ANXA13: variants seen among roughly 807,000 people sequenced by gnomAD.
ANXA13 encodes annexin A13.
ANXA13 carries 36 observed loss-of-function variants against 46.6 expected under a neutral mutation model. The observed-to-expected ratio is 0.77, with a 90% confidence interval of 0.59 to 1.02. ANXA13 has a LOEUF of 1.02. Among genes scored for constraint, ANXA13 ranks in the 50% least tolerant of loss-of-function variants. The pLI, the probability that ANXA13 is intolerant of heterozygous loss-of-function variation, is 0.00. For missense variants in ANXA13, 417 were observed against 396.5 expected (o/e 1.05, Z -0.44); for synonymous variants, 163 against 152.9 (o/e 1.07, Z -0.49).
chr8:123,704,465 A>G (rs1269276430), intron 2 of ANXA13, among the ~76,000 whole-genome samples: 1 of 146,408 alleles, frequency 6.8e-6, no homozygotes, highest in East Asian at 1.9e-4. Context: ...GCGCAGTGGC[A>G]TGATCACTGC....
intron 1 of ANXA13, among the ~76,000 whole-genome samples, chr8:123,714,256 G>A (rs918038079): frequency 3.9e-5 from 6 of 152,168 alleles, no homozygotes; most frequent in African/African-American, 1.4e-4. Context: ...CACCAATGTA[G>A]GCACGTGTCC....
At chr8:123,704,412 T>A (rs1425505736) in intron 2 of ANXA13, among the ~76,000 whole-genome samples, 4 of 152,008 alleles carry the variant, frequency 2.6e-5, no homozygotes, top group Admixed American at 2.0e-4. Flanking sequence ...GGGAATTATT[T>A]TTTTTTTTTG....
chr8:123,731,032 G>A (rs914053568), intron 1 of ANXA13, among the ~76,000 whole-genome samples: 2 of 152,222 alleles, frequency 1.3e-5, no homozygotes, highest in Non-Finnish European at 2.9e-5. Context: ...CCCAGCCTGG[G>A]CATGGGAAAG....
At chr8:123,683,590 T>C (rs1350392420) in intron 10 of ANXA13, among the ~76,000 whole-genome samples, 1 of 147,908 alleles carries the variant, frequency 6.8e-6, no homozygotes, top group African/African-American at 2.5e-5. Flanking sequence ...TGACCTTTTT[T>C]TTTTTTTTTT....
chr8:123,698,621 C>CA, intron 3 of ANXA13, 62 bp from the exon 4 acceptor site: 1 of 1,552,866 alleles, frequency 6.4e-7, no homozygotes, highest in South Asian at 1.2e-5. Flanking sequence ...CAGGTGTCTG[C>CA]TTGCACTATT....
intron 3 of ANXA13, among the ~76,000 whole-genome samples, chr8:123,701,721 G>GGATGTGAGA (rs1329437308): frequency 1.3e-5 from 2 of 151,516 alleles, no homozygotes; most frequent in African/African-American, 4.8e-5. Context: ...CAGGAGACTT[G>GGATGTGAGA]GATGTGAGAC....
intron 9 of ANXA13, 100 bp downstream of exon 9, chr8:123,688,771 C>A: frequency 1.8e-6 from 2 of 1,084,414 alleles, no homozygotes; most frequent in South Asian, 1.3e-5. Flanking sequence ...TGTTGACCCC[C>A]AAAAGCTATT....
At chr8:123,694,920 A>G (rs1006468570) in intron 6 of ANXA13, among the ~76,000 whole-genome samples, 1 of 152,054 alleles carries the variant, frequency 6.6e-6, no homozygotes, top group African/African-American at 2.4e-5. Flanking sequence ...GAAACAAAAC[A>G]GAGAAAATGC....
intron 1 of ANXA13, among the ~76,000 whole-genome samples, chr8:123,731,840 A>G (rs10102388): frequency 5.3e-5 from 8 of 152,278 alleles, no homozygotes; most frequent in African/African-American, 1.7e-4. Flanking sequence ...GTGACACTGC[A>G]CTCCAGCCTT....
At chr8:123,718,176 T>C (rs1354623005) in intron 1 of ANXA13, among the ~76,000 whole-genome samples, 2 of 152,252 alleles carry the variant, frequency 1.3e-5, no homozygotes, top group Non-Finnish European at 2.9e-5. Flanking sequence ...GCCAAGCATC[T>C]AAAACAAGCC....
intron 6 of ANXA13, 43 bp downstream of exon 6, chr8:123,695,459 C>T: frequency 2.7e-6 from 4 of 1,480,262 alleles, no homozygotes; most frequent in Non-Finnish European, 3.8e-6. Context: ...GCCAAGGATT[C>T]TTTCCTAAGA....
intron 3 of ANXA13, among the ~76,000 whole-genome samples, chr8:123,701,039 G>A (rs1813438254): frequency 6.6e-6 from 1 of 152,014 alleles, no homozygotes; most frequent in Non-Finnish European, 1.5e-5. Flanking sequence ...CAAACTCCTG[G>A]GCTCAAGTGA....
chr8:123,728,148 A>G (rs1814038113), intron 1 of ANXA13: 1 of 152,046 alleles, frequency 6.6e-6, no homozygotes, highest in Non-Finnish European at 1.5e-5. Context: ...TGGGCTGGAG[A>G]ACTTGGAGTT....
At chr8:123,683,670 TCCA>T (rs1813084173) in intron 10 of ANXA13, among the ~76,000 whole-genome samples, 1 of 143,748 alleles carries the variant, frequency 7.0e-6, no homozygotes, top group Admixed American at 7.3e-5. Context: ...CACTGCAACC[TCCA>T]CCTTCTGGGT....
chr8:123,688,968 A>G, intron 8 of ANXA13, 22 bp from the exon 9 acceptor site: 1 of 1,612,108 alleles, frequency 6.2e-7, no homozygotes, highest in South Asian at 1.1e-5. Context: ...ACCAAAATCA[A>G]CTGTTATTCC....
intron 9 of ANXA13, among the ~76,000 whole-genome samples, chr8:123,687,017 C>T (rs1813152272): frequency 6.6e-6 from 1 of 152,098 alleles, no homozygotes; most frequent in Non-Finnish European, 1.5e-5. Flanking sequence ...ACCATCTTTG[C>T]TCTTTGTTTT....
At chr8:123,733,754 T>C (rs149515279) in intron 1 of ANXA13, among the ~76,000 whole-genome samples, 113 of 152,312 alleles carry the variant, frequency 7.4e-4, no homozygotes, top group African/African-American at 2.7e-3. Context: ...CTGCTGCACA[T>C]TAGAGCCACC....
chr8:123,704,517 C>T (rs188407064), intron 2 of ANXA13, among the ~76,000 whole-genome samples: 40 of 152,202 alleles, frequency 2.6e-4, no homozygotes, highest in Admixed American at 2.4e-3. Context: ...CTGCCTCAGC[C>T]TCCCGAGTAG....
Position 123,688,899 on chromosome 8 carries a change from G to A in ANXA13, c.690C>T (p.Gly230=), listed in dbSNP as rs34594422. 1.1e-3 allele frequency: 1,731 copies of A among 1,613,664 alleles called. 6 individuals are homozygous for A. In the African/African-American group the frequency reaches 0.015, roughly 14 times the overall value. The change falls in exon 9 of 11, where the codon GGC becomes GGT. Residue 230 remains glycine (G), a synonymous_variant. Coordinates refer to ENST00000419625, the MANE Select transcript of ANXA13 (RefSeq NM_004306.4). The stretch of plus-strand genomic sequence containing the variant: ...GAGTTAAATAGGCCTTCTGCAAGTC[G>A]CCTGATGTTTCTTCTTCAATGGCTT... ...IEEAIEEETS[G]DLQKAYLTLV...
Sources: allele counts gnomAD v4.1 joint callset (sites outside exome capture counted in the v4.1 genomes callset), GRCh38; gene constraint gnomAD v4.1.1; transcripts MANE v1.5; gene names NCBI Gene and HGNC (gene_info 2026-07-23, HGNC 2026-07-21).